The following GC variants were observed in gnomAD, a reference collection of about 807,000 sequenced individuals.
The protein encoded by GC is GC vitamin D binding protein, also known as vitamin D-binding protein.
GC carries 43 observed loss-of-function variants against 56.7 expected under a neutral mutation model. The observed-to-expected ratio is 0.76, with a 90% CI of 0.59 to 0.98. The LOEUF (loss-of-function observed/expected upper bound fraction) is 0.98. GC is among the 50% of genes least tolerant of loss of function. The pLI, the probability that GC is intolerant of heterozygous loss-of-function variation, is 0.00. For missense variants in GC, 529 were observed against 545.9 expected (o/e 0.97, Z 0.31); for synonymous variants, 216 against 202.7 (o/e 1.07, Z -0.56).
intron 8 of GC, among the ~76,000 whole-genome samples, chr4:71,756,377 T>C (rs1741769334): frequency 6.6e-6 from 1 of 152,232 alleles, no homozygotes; most frequent in South Asian, 2.1e-4. Context: ...AGGCAAGAGT[T>C]AACATTTCCA....
chr4:71,782,402 C>G (rs868572162), intron 1 of GC, among the ~76,000 whole-genome samples: 1 of 151,752 alleles, frequency 6.6e-6, no homozygotes, highest in African/African-American at 2.4e-5. Context: ...CAGGACTACT[C>G]TCCCCAAATA....
At chr4:71,802,449 G>A (rs905810540) in intron 1 of GC, among the ~76,000 whole-genome samples, 2 of 152,134 alleles carry the variant, frequency 1.3e-5, no homozygotes, top group Non-Finnish European at 2.9e-5. Context: ...AGCCTAATTA[G>A]CACTTGCAAT....
intron 1 of GC, among the ~76,000 whole-genome samples, chr4:71,796,415 T>G (rs934581143): frequency 6.6e-6 from 1 of 152,228 alleles, no homozygotes; most frequent in Non-Finnish European, 1.5e-5. Flanking sequence ...ATTAATTTGA[T>G]CTTCAATCGC....
intron 1 of GC, among the ~76,000 whole-genome samples, chr4:71,777,369 G>T (rs1049015275): frequency 1.3e-5 from 2 of 151,384 alleles, no homozygotes; most frequent in East Asian, 1.9e-4. Flanking sequence ...TCTTAGTAAG[G>T]CTAAAGAGAG....
At chr4:71,743,879 T>C (rs1018476960) in intron 12 of GC, among the ~76,000 whole-genome samples, 1 of 152,162 alleles carries the variant, frequency 6.6e-6, no homozygotes, top group Non-Finnish European at 1.5e-5. Flanking sequence ...ATGTGAATAA[T>C]TTTAGGAAGG....
chr4:71,768,212 G>T, intron 3 of GC, 89 bp downstream of exon 3: 1 of 1,069,556 alleles, frequency 9.3e-7, no homozygotes, highest in East Asian at 2.7e-5. Flanking sequence ...TGGAGTTGCT[G>T]TCTAAAATTT....
intron 3 of GC, among the ~76,000 whole-genome samples, chr4:71,767,199 A>G (rs1414288303): frequency 6.6e-6 from 1 of 152,178 alleles, no homozygotes; most frequent in Non-Finnish European, 1.5e-5. Flanking sequence ...ATCTATTCTA[A>G]TCAGATCTTT....
rs1320231147 is a variant in GC, at chr4:71,797,640, C to T, written c.21+6286G>A. Among the ~76,000 whole-genome samples, 7 of 152,344 alleles carry T rather than the reference C, an allele frequency of 4.6e-5. No homozygotes were observed. The East Asian group carries it at 1.4e-3, about 29-fold the overall frequency. On this transcript the variant is annotated intron_variant, in intron 1 of 13. Transcript: ENST00000504199. ...CTTGCACCTCCTGACTGAGGTGATG[C>T]CCCGCCCTGCTTTGGCTCGCCCTCC...
intron 3 of GC, 133 bp downstream of exon 3, chr4:71,768,168 A>G: frequency 1.5e-6 from 1 of 656,850 alleles, no homozygotes; most frequent in Non-Finnish European, 2.5e-6. Flanking sequence ...TGTAAACACA[A>G]CAGGCTTCAT....
At chr4:71,758,237 C>A (rs566149557) in intron 6 of GC, 66 bp from the exon 7 acceptor site, 33 of 1,404,238 alleles carry the variant, frequency 2.4e-5, no homozygotes, top group Non-Finnish European at 3.0e-5. Context: ...TCGTGATGAA[C>A]GCACTATTTG....
chr4:71,780,252 T>A (rs1742631297), intron 1 of GC, among the ~76,000 whole-genome samples: 1 of 152,086 alleles, frequency 6.6e-6, no homozygotes, highest in Non-Finnish European at 1.5e-5. Flanking sequence ...ATTAAAGGCT[T>A]AAATGTTAGA....
intron 11 of GC, among the ~76,000 whole-genome samples, chr4:71,750,014 C>T (rs1342903659): frequency 2.0e-5 from 3 of 151,992 alleles, no homozygotes; most frequent in Non-Finnish European, 2.9e-5. Context: ...AGACTTTTTT[C>T]TTAGGCACTG....
At chr4:71,750,597 C>G (rs222041) in intron 11 of GC, among the ~76,000 whole-genome samples, 152,246 of 152,360 alleles carry the variant, frequency 1, 76,066 homozygotes, top group Middle Eastern at 1. Context: ...ATAGAAAGGG[C>G]CTTCTGGCCG....
chr4:71,746,051 TAAG>T (rs1220761516), intron 12 of GC, 97 bp downstream of exon 12: 10 of 663,442 alleles, frequency 1.5e-5, no homozygotes, highest in Non-Finnish European at 2.7e-5. Context: ...TTTGAACAGA[TAAG>T]AATAAATTTA....
intron 1 of GC, among the ~76,000 whole-genome samples, chr4:71,799,277 C>A (rs1399009134): frequency 1.3e-5 from 2 of 152,178 alleles, no homozygotes; most frequent in East Asian, 1.9e-4. Context: ...TCTTGCCTCC[C>A]AGCTCAGCGA....
intron 1 of GC, among the ~76,000 whole-genome samples, chr4:71,775,984 G>A (rs1742495997): frequency 6.6e-6 from 1 of 151,798 alleles, no homozygotes; most frequent in Non-Finnish European, 1.5e-5. Context: ...AATGGCTATT[G>A]CCAGAAAGAT....
At chr4:71,793,553 G>T (rs1217319318) in intron 1 of GC, among the ~76,000 whole-genome samples, 1 of 152,124 alleles carries the variant, frequency 6.6e-6, no homozygotes, top group Admixed American at 6.5e-5. Context: ...AGGAGGTTTT[G>T]GGCTGAGACG....
intron 1 of GC, 48 bp downstream of exon 1, chr4:71,783,913 T>G (rs758847638): frequency 5.7e-6 from 8 of 1,404,586 alleles, no homozygotes; most frequent in Non-Finnish European, 7.8e-6. Context: ...AATATAAAAT[T>G]AAACTAGTAA....
intron 1 of GC, among the ~76,000 whole-genome samples, chr4:71,780,711 C>T (rs1295746080): frequency 1.3e-5 from 2 of 152,016 alleles, no homozygotes; most frequent in Non-Finnish European, 2.9e-5. Flanking sequence ...GTTAGAATGG[C>T]AATCATTAAA....
Sources: gnomAD v4.1 joint callset for allele counts (sites outside exome capture counted in the v4.1 genomes callset) on GRCh38, gnomAD v4.1.1 for gene constraint, MANE v1.5 for transcripts, NCBI Gene and HGNC (gene_info 2026-07-23, HGNC 2026-07-21) for gene names.